The following MAP4K3 variants were observed in gnomAD, a reference collection of about 807,000 sequenced individuals.
MAP4K3 encodes the protein mitogen-activated protein kinase kinase kinase kinase 3.
Under a neutral mutation model 143.5 loss-of-function variants are expected in MAP4K3, and 94 were observed. The ratio of observed to expected loss-of-function variants is 0.65; its 90% CI spans 0.55 to 0.78. The LOEUF (loss-of-function observed/expected upper bound fraction) is 0.78, where lower values mean the gene tolerates loss of function less well. Ranked by LOEUF, MAP4K3 falls within the 30% of genes least tolerant of loss-of-function variation. MAP4K3 has a pLI of 0.00. For synonymous variants in MAP4K3, 416 were observed against 347.2 expected (o/e 1.20, Z -2.20); for missense variants, 1,077 against 1,068.1 (o/e 1.01, Z -0.12).
At position 39,278,447 on chromosome 2, in the gene MAP4K3, G is replaced by A. The variant is rs145945071; in HGVS notation, c.1754C>T (p.Thr585Ile). The stretch of plus-strand genomic sequence containing the variant: ...TTCATGAAGTTCATTAAGATTGAGG[G>A]TATAAATCCCTTCTTCGGCACCAAA... ...LIFGAEEGIY[T>I]LNLNELHETS... Residue 585 changes from threonine to isoleucine, a missense_variant, in exon 24 of 34, where the codon ACC becomes ATC. This residue lies in a region of MAP4K3 where 864 missense variants were observed against 801.2 expected (regional missense o/e 1.08). Coordinates refer to ENST00000263881, the MANE Select transcript of MAP4K3 (RefSeq NM_003618.4). 7 of 1,599,078 alleles carry A rather than the reference G, an allele frequency of 4.4e-6. No individual in the cohort carries two copies. The African/African-American group carries it at 6.7e-5, about 15-fold the overall frequency.
chr2:39,397,264 C>G (rs1666834189), intron 1 of MAP4K3, among the ~76,000 whole-genome samples: 1 of 152,008 alleles, frequency 6.6e-6, no homozygotes. Context: ...GAATTAGTGA[C>G]TACAAACATA....
intron 4 of MAP4K3, among the ~76,000 whole-genome samples, 175 bp from the exon 5 acceptor site, chr2:39,337,756 T>TC (rs1665010559): frequency 7.9e-6 from 1 of 126,478 alleles, no homozygotes; most frequent in East Asian, 2.3e-4. Flanking sequence ...GCTCCAGTTT[T>TC]TTTTTTTTTT....
Position 39,325,924 on chromosome 2 carries a change from G to C in MAP4K3, c.700C>G (p.Pro234Ala), listed in dbSNP as rs868709273. 6.3e-7 allele frequency: 1 copy of C among 1,596,978 alleles called. No homozygotes were observed. The highest frequency in any genetic ancestry group is 8.6e-7 in the Non-Finnish European group (1 of 1,167,020). Residue 234 changes from proline (P) to alanine (A), a missense_variant, in exon 10 of 34, where the codon CCT becomes GCT. By Grantham distance (27) the Pro-to-Ala change is conservative. Coordinates refer to ENST00000263881, the MANE Select transcript of MAP4K3 (RefSeq NM_003618.4). ...FLMTKSNFQP[P>A]KLKDKMKWSN... Reference sequence around the variant, plus strand: ...CATTTCATTTTATCCTTTAGTTTAGGAGGCTGAAAATTGCTTTTTGTCATT... The same window carrying C: ...CATTTCATTTTATCCTTTAGTTTAGCAGGCTGAAAATTGCTTTTTGTCATT...
In MAP4K3 at chr2:39,435,037, C is replaced by T. The variant is rs538904437; in HGVS notation, c.96+1855G>A. 3.9e-5 allele frequency among the ~76,000 whole-genome samples: 6 copies of T among 152,248 alleles called. No individual in the cohort carries two copies. The South Asian group carries it at 1.2e-3, about 32-fold the overall frequency. ...CCAATTAGTCCTGTAAAAAAATTCA[C>T]TGTATACCCTGCCACCTAAAACGTA... On this transcript the variant is annotated intron_variant, in intron 1 of 33. Transcript: ENST00000263881.
At chr2:39,369,696 G>C (rs973323742) in intron 2 of MAP4K3, among the ~76,000 whole-genome samples, 1 of 152,048 alleles carries the variant, frequency 6.6e-6, no homozygotes, top group African/African-American at 2.4e-5. Context: ...TTATCCCAAG[G>C]GAAGTGGAAC....
intron 31 of MAP4K3, among the ~76,000 whole-genome samples, chr2:39,256,147 T>C (rs1680333894): frequency 6.6e-6 from 1 of 152,250 alleles, no homozygotes; most frequent in African/African-American, 2.4e-5. Context: ...AGCTATTCTT[T>C]GGTGTTACTC....
intron 11 of MAP4K3, 51 bp from the exon 12 acceptor site, chr2:39,325,679 A>G: frequency 6.4e-7 from 1 of 1,561,408 alleles, no homozygotes; most frequent in Non-Finnish European, 8.8e-7. Flanking sequence ...CTGATTGAAT[A>G]ACATTTTATC....
chr2:39,272,955 G>T (rs1681092990), intron 24 of MAP4K3, among the ~76,000 whole-genome samples: 1 of 151,792 alleles, frequency 6.6e-6, no homozygotes. Context: ...TATGATACAG[G>T]AAAAAGCATC....
intron 5 of MAP4K3, 69 bp downstream of exon 5, chr2:39,337,457 A>C: frequency 9.3e-7 from 1 of 1,070,928 alleles, no homozygotes; most frequent in Non-Finnish European, 1.4e-6. Flanking sequence ...TTTGCTGAAC[A>C]GGTAATGCAC....
chr2:39,332,388 C>G (rs932177051), intron 7 of MAP4K3, among the ~76,000 whole-genome samples: 7 of 152,076 alleles, frequency 4.6e-5, no homozygotes, highest in African/African-American at 1.7e-4. Flanking sequence ...TTCACTTTCT[C>G]CATACCCATG....
rs1045763876 is a variant in MAP4K3 at position 39,301,072 on chromosome 2, T to A, written c.1120-1271A>T. ...ACTAAGCCTCAAAATATAAGGATTT[T>A]AAGCAATACATTACATTTAAGAGAG... On this transcript the variant is annotated intron_variant, in intron 15 of 33. Transcript: ENST00000263881. Among the ~76,000 whole-genome samples, 13 of 151,582 alleles carry A rather than the reference T, an allele frequency of 8.6e-5. No homozygotes were observed. The East Asian group carries it at 2.5e-3, about 29-fold the overall frequency.
chr2:39,260,490 T>G, intron 29 of MAP4K3, 116 bp downstream of exon 29: 1 of 744,490 alleles, frequency 1.3e-6, no homozygotes, highest in Non-Finnish European at 2.2e-6. Flanking sequence ...AGTTTAATAA[T>G]AGTTATTGAA....
At chr2:39,285,334 C>T (rs1422506102) in intron 21 of MAP4K3, among the ~76,000 whole-genome samples, 1 of 151,918 alleles carries the variant, frequency 6.6e-6, no homozygotes, top group African/African-American at 2.4e-5. Context: ...AAAAAGTGAA[C>T]TAAAAATGCA....
At chr2:39,389,643 A>C (rs1666599681) in intron 1 of MAP4K3, among the ~76,000 whole-genome samples, 1 of 152,100 alleles carries the variant, frequency 6.6e-6, no homozygotes, top group Admixed American at 6.6e-5. Flanking sequence ...GCTGAAAAAA[A>C]GTTAAGTCAG....
intron 2 of MAP4K3, among the ~76,000 whole-genome samples, chr2:39,364,865 C>CAAAAAA (rs70957105): frequency 5.2e-5 from 6 of 114,720 alleles, no homozygotes; most frequent in African/African-American, 2.1e-4. Context: ...AACTCTGTCT[C>CAAAAAA]AAAAAAAAAA....
At chr2:39,308,671 T>G (rs2148497881) in intron 14 of MAP4K3, among the ~76,000 whole-genome samples, 1 of 152,314 alleles carries the variant, frequency 6.6e-6, no homozygotes, top group South Asian at 2.1e-4. Flanking sequence ...TATAGAATAT[T>G]AACATCTCAA....
At chr2:39,318,774 A>G (rs1265450006) in intron 12 of MAP4K3, among the ~76,000 whole-genome samples, 1 of 152,182 alleles carries the variant, frequency 6.6e-6, no homozygotes, top group African/African-American at 2.4e-5. Flanking sequence ...TTCAACTTTT[A>G]TCATCTTAAA....
In MAP4K3 at chr2:39,414,425, T is replaced by C. The variant is rs990269619; in HGVS notation, c.96+22467A>G. Among the ~76,000 whole-genome samples, 19 of 152,290 alleles carry C rather than the reference T, an allele frequency of 1.2e-4. 1 individual carries two copies. The highest frequency in any genetic ancestry group is 1.9e-4 in the East Asian group (1 of 5,184). Reference sequence around the variant, plus strand: ...AATTCCAAAACAGCTCACAAAATAATGTTAGGCAAATTTTTTAGAAGAATA... The same window carrying C: ...AATTCCAAAACAGCTCACAAAATAACGTTAGGCAAATTTTTTAGAAGAATA... On this transcript the variant is annotated intron_variant, in intron 1 of 33. Transcript: ENST00000263881.
At chr2:39,258,326 G>T (rs1205851044) in intron 31 of MAP4K3, 22 bp downstream of exon 31, 2 of 1,464,830 alleles carry the variant, frequency 1.4e-6, no homozygotes, top group South Asian at 1.2e-5. Flanking sequence ...ATAATGCAAA[G>T]AATTATAAAA....
Sources: gnomAD v4.1 joint callset for allele counts (sites outside exome capture counted in the v4.1 genomes callset) on GRCh38, gnomAD v4.1.1 for gene constraint, gnomAD v4.1.1 regional missense constraint, MANE v1.5 for transcripts, NCBI Gene and HGNC (gene_info 2026-07-23, HGNC 2026-07-21) for gene names.